CACNA1E: variants seen among roughly 807,000 people sequenced by gnomAD.
The protein encoded by CACNA1E is calcium voltage-gated channel subunit alpha1 E.
In CACNA1E, 40 loss-of-function variants were observed where a neutral mutation model predicts 259.2. The observed-to-expected ratio is 0.15, with a 90% CI of 0.12 to 0.20. The LOEUF is 0.20. Ranked by LOEUF, CACNA1E falls within the 10% of genes least tolerant of loss-of-function variation. CACNA1E has a pLI of 1.00. For synonymous variants in CACNA1E, 1,104 were observed against 1,138.5 expected, an observed-to-expected ratio of 0.97 and a Z score of 0.61; for missense variants, 1,874 against 3,040.1, an observed-to-expected ratio of 0.62 and a Z score of 9.02.
At chr1:181,590,410 A>ATATATATATATATATATATAT (rs1489019194) in intron 6 of CACNA1E, among the ~76,000 whole-genome samples, 1 of 119,118 alleles carries the variant, frequency 8.4e-6, no homozygotes, top group African/African-American at 3.5e-5. Context: ...ACAAAAAAAA[A>ATATATATATATATATATATAT]AAAAAAATAT....
At chr1:181,527,800 A>G (rs980559354) in intron 3 of CACNA1E, among the ~76,000 whole-genome samples, 1 of 152,084 alleles carries the variant, frequency 6.6e-6, no homozygotes, top group African/African-American at 2.4e-5. Flanking sequence ...TTGCTTTCCA[A>G]TTACTTATCT....
At chr1:181,455,001 C>T (rs1396957030) in intron 2 of CACNA1E, among the ~76,000 whole-genome samples, 1 of 152,172 alleles carries the variant, frequency 6.6e-6, no homozygotes, top group Non-Finnish European at 1.5e-5. Flanking sequence ...ATAACATTTT[C>T]ATCAGTTTTC....
At chr1:181,349,081 C>G (rs1652833501) in intron 1 of CACNA1E, among the ~76,000 whole-genome samples, 1 of 142,162 alleles carries the variant, frequency 7.0e-6, no homozygotes, top group South Asian at 2.5e-4. Context: ...CCTTGGGGAG[C>G]TCTTGGGGAC....
intron 6 of CACNA1E, among the ~76,000 whole-genome samples, chr1:181,644,732 C>A (rs1658107471): frequency 6.6e-6 from 1 of 152,102 alleles, no homozygotes; most frequent in Admixed American, 6.5e-5. Flanking sequence ...GTGAGGGAAG[C>A]AGGATAGGTC....
intron 39 of CACNA1E, among the ~76,000 whole-genome samples, 193 bp from the exon 40 acceptor site, chr1:181,783,486 C>G (rs909944285): frequency 2.6e-5 from 4 of 152,162 alleles, no homozygotes; most frequent in African/African-American, 9.7e-5. Context: ...ACTACAACAA[C>G]AACAACAACA....
intron 1 of CACNA1E, among the ~76,000 whole-genome samples, chr1:181,505,157 C>T (rs1665599489): frequency 6.6e-6 from 1 of 152,132 alleles, no homozygotes; most frequent in Non-Finnish European, 1.5e-5. Flanking sequence ...TCCTCACTCT[C>T]AGGTTGGGAT....
chr1:181,350,832 A>G (rs1286422904), intron 1 of CACNA1E, among the ~76,000 whole-genome samples: 1 of 152,164 alleles, frequency 6.6e-6, no homozygotes, highest in Non-Finnish European at 1.5e-5. Flanking sequence ...TTGAGCAAGT[A>G]TTTGTTGGGT....
chr1:181,366,128 G>A (rs925806022), intron 1 of CACNA1E, among the ~76,000 whole-genome samples: 2 of 152,114 alleles, frequency 1.3e-5, no homozygotes, highest in African/African-American at 4.8e-5. Context: ...ACTCCCCTTG[G>A]GGACCTGGTT....
At chr1:181,385,648 G>C (rs556665875) in intron 1 of CACNA1E, among the ~76,000 whole-genome samples, 9 of 152,208 alleles carry the variant, frequency 5.9e-5, no homozygotes, top group Non-Finnish European at 1.2e-4. Flanking sequence ...TGTTTCCTAA[G>C]GCAGGGACTT....
intron 1 of CACNA1E, among the ~76,000 whole-genome samples, chr1:181,329,802 G>A (rs961402476): frequency 6.6e-5 from 10 of 152,248 alleles, no homozygotes; most frequent in African/African-American, 2.2e-4. Context: ...TTACTTGTTA[G>A]TTTAGCATCT....
Position 181,796,680 on chromosome 1 carries a change from A to G in CACNA1E, c.6221A>G (p.Asp2074Gly). 5 of 1,598,622 alleles carry G rather than the reference A, an allele frequency of 3.1e-6. No homozygotes were observed. The highest frequency in any genetic ancestry group is 4.3e-6 in the Non-Finnish European group (5 of 1,169,424). Residue 2074 changes from aspartate (D) to glycine (G), a missense_variant, in exon 47 of 48, where the codon GAC becomes GGC. This residue lies in a region of CACNA1E where 542 missense variants were observed against 587.2 expected (regional missense o/e 0.92). Transcript: ENST00000367573. ...RLNSDSGHKS[D>G]THRSGGRERG... ...TCACCTCTCACAGGCCACAAGTCTG[A>G]CACTCACCGCTCAGGGGGCAGGGAG...
Position 181,781,529 on chromosome 1 carries a change from C to G in CACNA1E, c.5364+6C>G. On this transcript the variant is annotated splice_donor_region_variant and intron_variant, in intron 39 of 47. Coordinates refer to ENST00000367573, the MANE Select transcript of CACNA1E (RefSeq NM_001205293.3). Reference sequence around the variant, plus strand: ...CCTCCAAAGTGGCATATAAGGTAGACCACCCCTTCCTTTGCTCTGGGCTAC... The same window carrying G: ...CCTCCAAAGTGGCATATAAGGTAGAGCACCCCTTCCTTTGCTCTGGGCTAC... 7.0e-7 allele frequency: 1 copy of G among 1,437,660 alleles called. No homozygotes were observed. The highest frequency in any genetic ancestry group is 9.7e-7 in the Non-Finnish European group (1 of 1,030,300). 89.1% of individuals were successfully genotyped at this position (1,437,660 alleles called of 1,614,324 possible).
intron 3 of CACNA1E, among the ~76,000 whole-genome samples, chr1:181,542,476 G>A (rs952792567): frequency 6.6e-6 from 1 of 152,076 alleles, no homozygotes; most frequent in African/African-American, 2.4e-5. Flanking sequence ...ATGTCAAGGG[G>A]GAGATCAGGT....
chr1:181,579,424 C>T (rs1055982258), intron 5 of CACNA1E, among the ~76,000 whole-genome samples, 200 bp downstream of exon 5: 7 of 152,170 alleles, frequency 4.6e-5, no homozygotes, highest in Admixed American at 3.9e-4. Context: ...TATTGCAAAG[C>T]AAATATGTAG....
intron 7 of CACNA1E, among the ~76,000 whole-genome samples, chr1:181,663,184 T>A (rs553972315): frequency 6.6e-6 from 1 of 152,218 alleles, no homozygotes; most frequent in East Asian, 1.9e-4. Context: ...TAAGATGTAA[T>A]ATTTATTGAA....
intron 1 of CACNA1E, among the ~76,000 whole-genome samples, chr1:181,387,040 A>G (rs545916556): frequency 5.3e-5 from 8 of 152,162 alleles, no homozygotes; most frequent in Non-Finnish European, 1.2e-4. Flanking sequence ...GGATGCAGAT[A>G]CCAGTGTTGC....
Position 181,579,044 on chromosome 1 carries a change from A to G in CACNA1E, c.617-28A>G, listed in dbSNP as rs774493647. On this transcript the variant is annotated intron_variant, in intron 4 of 47. Coordinates refer to ENST00000367573, the MANE Select transcript of CACNA1E (RefSeq NM_001205293.3). The stretch of plus-strand genomic sequence containing the variant: ...TCAGATGGTGCTGAGGGACAGCTGC[A>G]TTGGTCATTCTCTGTCCTTCCTTCT... 8.2e-6 allele frequency: 13 copies of G among 1,576,946 alleles called. No individual in the cohort carries two copies. In the South Asian group the frequency reaches 1.4e-4, roughly 17 times the overall value.
upstream of CACNA1E, chr1:181,483,166 G>T (rs1295091635): frequency 6.6e-6 from 1 of 152,236 alleles, no homozygotes; most frequent in African/African-American, 2.4e-5. Context: ...AGATGGACTT[G>T]CAGGGGCTGG....
intron 1 of CACNA1E, among the ~76,000 whole-genome samples, chr1:181,409,059 G>A (rs1264879151): frequency 6.6e-6 from 1 of 152,188 alleles, no homozygotes; most frequent in Non-Finnish European, 1.5e-5. Context: ...AGACGCAGAT[G>A]AAAGACCAAA....
Sources: allele counts gnomAD v4.1 joint callset (sites outside exome capture counted in the v4.1 genomes callset), GRCh38; gene constraint gnomAD v4.1.1; regional missense constraint gnomAD v4.1.1; transcripts MANE v1.5; gene names NCBI Gene and HGNC (gene_info 2026-07-23, HGNC 2026-07-21).